The following TPGS2 variants were observed in gnomAD, a reference collection of about 807,000 sequenced individuals.
TPGS2 encodes the protein tubulin polyglutamylase complex subunit 2.
A neutral mutation model predicts 31.1 loss-of-function variants in TPGS2; 26 were observed. The observed-to-expected ratio is 0.84, with a 90% confidence interval of 0.61 to 1.16. TPGS2 has a LOEUF of 1.16. Among genes scored for constraint, TPGS2 ranks in the 50% most tolerant of loss-of-function variants. The pLI, the probability that TPGS2 is intolerant of heterozygous loss-of-function variation, is 0.00. For synonymous variants in TPGS2, 130 were observed against 136.6 expected (o/e 0.95, Z 0.34); for missense variants, 351 against 363.8 (o/e 0.96, Z 0.29).
downstream of TPGS2, chr18:36,780,106 A>G (rs927775116): frequency 4.9e-6 from 6 of 1,229,486 alleles, no homozygotes; most frequent in Admixed American, 4.2e-5. Flanking sequence ...ACAGTTCCAC[A>G]GGCTCGCCTC....
intron 2 of TPGS2, among the ~76,000 whole-genome samples, chr18:36,811,168 C>T (rs2045407908): frequency 6.6e-6 from 1 of 152,192 alleles, no homozygotes; most frequent in East Asian, 1.9e-4. Flanking sequence ...ACAACGGCAT[C>T]TCCTGAAACT....
intron 1 of TPGS2, among the ~76,000 whole-genome samples, chr18:36,819,929 T>A (rs1408181373): frequency 6.6e-6 from 1 of 152,228 alleles, no homozygotes; most frequent in Non-Finnish European, 1.5e-5. Context: ...GGTATGGCAG[T>A]GCATACATGT....
chr18:36,807,761 A>G, intron 3 of TPGS2, 86 bp downstream of exon 3: 1 of 1,260,520 alleles, frequency 7.9e-7, no homozygotes, highest in Non-Finnish European at 1.1e-6. Context: ...TCCAGATTCA[A>G]AGACTCAAAA....
At position 36,794,326 on chromosome 18, in the gene TPGS2, C is replaced by G. The variant is rs1168555944; in HGVS notation, c.*2479G>C. ...AGTCAGTCCTGCTCTTCCCTGCTCA[C>G]TCCTTCTGAGGCAGGTCTTGAGCCT... On this transcript the variant is annotated 3_prime_UTR_variant, in exon 7 of 7. Coordinates refer to ENST00000334295, the MANE Select transcript of TPGS2 (RefSeq NM_015476.4). 1.0e-5 allele frequency: 10 copies of G among 985,366 alleles called. No individual in the cohort carries two copies. The highest frequency in any genetic ancestry group is 1.7e-5 in the African/African-American group (1 of 57,240). 61.0% of individuals were successfully genotyped at this position (985,366 alleles called of 1,614,324 possible).
At position 36,818,125 on chromosome 18, in the gene TPGS2, T is replaced by C. The variant is rs62083205; in HGVS notation, c.165+769A>G. 2.3e-3 allele frequency among the ~76,000 whole-genome samples: 345 copies of C among 152,316 alleles called. 3 individuals carry two copies. Among genetic ancestry groups the C allele is most frequent in the South Asian group, 3.1e-3 (15 of 4,826 alleles). On this transcript the variant is annotated intron_variant, in intron 2 of 6. Transcript: ENST00000334295. ...TCAGAACAATGTAATCCTTCCCATC[T>C]TGAAGCTTTCATAGAGGCTGAAAGT... is the stretch of plus-strand genomic sequence containing the variant.
intron 2 of TPGS2, among the ~76,000 whole-genome samples, chr18:36,811,480 C>A (rs764873443): frequency 6.6e-6 from 1 of 152,134 alleles, no homozygotes; most frequent in Non-Finnish European, 1.5e-5. Flanking sequence ...ATTGGCCTGT[C>A]TAGAGGCACC....
chr18:36,786,732 TG>T, intron 6 of TPGS2: 1 of 1,087,288 alleles, frequency 9.2e-7, no homozygotes, highest in Non-Finnish European at 1.2e-6. Flanking sequence ...CATCCTGTTA[TG>T]GTCAGAAACT....
chr18:36,805,364 A>G lies in TPGS2; in HGVS notation c.382+10T>C. On this transcript the variant is annotated intron_variant, in intron 4 of 6. Coordinates refer to ENST00000334295, the MANE Select transcript of TPGS2 (RefSeq NM_015476.4). ...TGGAAACAAAGATACCAACCTTGGT[A>G]TCTTCCTACCTTCATGTGTATCGTC... 1.2e-6 allele frequency: 2 copies of G among 1,613,634 alleles called. No individual in the cohort carries two copies. The highest frequency in any genetic ancestry group is 1.7e-6 in the Non-Finnish European group (2 of 1,179,594).
At chr18:36,819,191 C>T (rs1159828393) in intron 1 of TPGS2, among the ~76,000 whole-genome samples, 1 of 152,142 alleles carries the variant, frequency 6.6e-6, no homozygotes, top group Non-Finnish European at 1.5e-5. Flanking sequence ...AAAGGATATC[C>T]ACAGACTGTG....
At position 36,794,501 on chromosome 18, in the gene TPGS2, T is replaced by A; in HGVS notation, c.*2304A>T. On this transcript the variant is annotated 3_prime_UTR_variant, in exon 7 of 7. Transcript: ENST00000334295. ...TTTAGAAATGCTGTGATTCGGGGGATCTCCAAGTACTAAAAAAGGGGTATC... is the reference window on the plus strand; with the variant it reads ...TTTAGAAATGCTGTGATTCGGGGGAACTCCAAGTACTAAAAAAGGGGTATC... The A allele has an allele frequency of 4.1e-6, 4 of 985,414 alleles. No individual in the cohort carries two copies. Among genetic ancestry groups the A allele is most frequent in the Non-Finnish European group, 4.8e-6 (4 of 829,944 alleles). 61.0% of individuals were successfully genotyped at this position (985,414 alleles called of 1,614,324 possible).
At chr18:36,790,063 G>A, downstream of TPGS2, 1 of 152,246 alleles carries the variant, frequency 6.6e-6, no homozygotes, top group East Asian at 1.9e-4. Context: ...AATTCTATGT[G>A]AAGTCAATAC....
rs892470968 is a variant in TPGS2 at position 36,794,570 on chromosome 18, C to T, written c.*2235G>A. 3.0e-6 allele frequency: 3 copies of T among 985,298 alleles called. No homozygotes were observed. The highest frequency in any genetic ancestry group is 3.5e-5 in the African/African-American group (2 of 57,214). The allele number at this position is 985,298 out of a possible 1,614,324, so 61.0% of individuals were successfully genotyped here. On this transcript the variant is annotated 3_prime_UTR_variant, in exon 7 of 7. Transcript: ENST00000334295. ...CATAACTTCTCAACTCCCTTCTAACCTCGCTTGTCTTGGAGAAGCAGCCAA... is the reference window on the plus strand; with the variant it reads ...CATAACTTCTCAACTCCCTTCTAACTTCGCTTGTCTTGGAGAAGCAGCCAA...
At chr18:36,813,920 A>C (rs1364242953) in intron 2 of TPGS2, among the ~76,000 whole-genome samples, 10 of 152,148 alleles carry the variant, frequency 6.6e-5, no homozygotes, top group Admixed American at 3.9e-4. Context: ...TCGCAGGATG[A>C]TTTCTTCTAC....
intron 1 of TPGS2, among the ~76,000 whole-genome samples, chr18:36,822,548 G>C (rs2045940375): frequency 6.6e-6 from 1 of 152,140 alleles, no homozygotes; most frequent in South Asian, 2.1e-4. Flanking sequence ...GCAAATAACG[G>C]TTTTGTGAGT....
rs1295363899 is a variant in TPGS2 at position 36,795,176 on chromosome 18, C to T, written c.*1629G>A. The T allele has an allele frequency of 1.0e-6, 1 of 985,354 alleles. No individual in the cohort carries two copies. The highest frequency in any genetic ancestry group is 1.2e-6 in the Non-Finnish European group (1 of 829,920). 61.0% of individuals were successfully genotyped at this position (985,354 alleles called of 1,614,324 possible). Reference sequence around the variant, plus strand: ...GGCGCTTTCTCATGAATATCTATCACTATTGTCAACAATCAAAATAAACAT... The same window carrying T: ...GGCGCTTTCTCATGAATATCTATCATTATTGTCAACAATCAAAATAAACAT... On this transcript the variant is annotated 3_prime_UTR_variant, in exon 7 of 7. Coordinates refer to ENST00000334295, the MANE Select transcript of TPGS2 (RefSeq NM_015476.4).
At chr18:36,822,384 A>G (rs1219911211) in intron 1 of TPGS2, among the ~76,000 whole-genome samples, 1 of 152,208 alleles carries the variant, frequency 6.6e-6, no homozygotes, top group East Asian at 1.9e-4. Flanking sequence ...AATAAATTAT[A>G]CTTGGGACTA....
At chr18:36,821,513 A>G (rs1377211525) in intron 1 of TPGS2, among the ~76,000 whole-genome samples, 1 of 152,242 alleles carries the variant, frequency 6.6e-6, no homozygotes, top group Non-Finnish European at 1.5e-5. Context: ...AGTCTCTCTG[A>G]GGTATTTAAT....
At chr18:36,810,307 G>A (rs538239300) in intron 2 of TPGS2, among the ~76,000 whole-genome samples, 1 of 152,288 alleles carries the variant, frequency 6.6e-6, no homozygotes, top group South Asian at 2.1e-4. Flanking sequence ...TTTAAGGTTG[G>A]AGAGAAAAGT....
chr18:36,800,216 A>G lies in TPGS2; in HGVS notation c.478T>C (p.Tyr160His), dbSNP rs754897254. 14 of 1,614,126 alleles carry G rather than the reference A, an allele frequency of 8.7e-6. No individual in the cohort carries two copies. Among genetic ancestry groups the G allele is most frequent in the Non-Finnish European group, 1.1e-5 (13 of 1,179,990 alleles). Residue 160 changes from tyrosine to histidine, a missense_variant, in exon 5 of 7, where the codon TAC (tyrosine) becomes CAC (histidine). Physicochemically the swap from Tyr to His is moderately conservative, Grantham distance 83. Coordinates refer to ENST00000334295, the MANE Select transcript of TPGS2 (RefSeq NM_015476.4). ...TTCTTACCTGGTTTCCCACTTTTGT[A>G]GACAAGGCAAACTTTCCCACTGCCA... The part of the protein sequence containing the change: ...CNGSGKVCLV[Y>H]KSGKPALAED...
Sources: gnomAD v4.1 joint callset for allele counts (sites outside exome capture counted in the v4.1 genomes callset) on GRCh38, gnomAD v4.1.1 for gene constraint, MANE v1.5 for transcripts, NCBI Gene and HGNC (gene_info 2026-07-23, HGNC 2026-07-21) for gene names.